The following ATCAY variants were observed in gnomAD, a reference collection of about 807,000 sequenced individuals.
The protein encoded by ATCAY is caytaxin.
In ATCAY, 22 loss-of-function variants were observed where a neutral mutation model predicts 47.7. The ratio of observed to expected loss-of-function variants is 0.46; its 90% CI spans 0.33 to 0.66. ATCAY has a LOEUF of 0.66. ATCAY is among the 30% of genes least tolerant of loss of function. The pLI is 0.02. For missense variants in ATCAY, 452 were observed against 515.0 expected, an observed-to-expected ratio of 0.88 and a Z score of 1.18; for synonymous variants, 216 against 207.6, an observed-to-expected ratio of 1.04 and a Z score of -0.35.
intron 2 of ATCAY, among the ~76,000 whole-genome samples, chr19:3,895,722 T>TC (rs1417575564): frequency 3.4e-5 from 5 of 148,814 alleles, no homozygotes; most frequent in African/African-American, 1.2e-4. Context: ...TTTTCTTTTT[T>TC]TTTTTTTTTT....
chr19:3,890,731 C>T (rs1485537342), intron 2 of ATCAY, among the ~76,000 whole-genome samples: 1 of 152,208 alleles, frequency 6.6e-6, no homozygotes, highest in Non-Finnish European at 1.5e-5. Context: ...TGCAAGGCTT[C>T]TCGCCCACCC....
In ATCAY at chr19:3,885,640, G is replaced by A. The variant is rs1225958602; in HGVS notation, c.-41-87G>A. 5.6e-5 allele frequency: 37 copies of A among 666,526 alleles called. 2 individuals carry two copies. The highest frequency in any genetic ancestry group is 8.1e-4 in the Middle Eastern group (2 of 2,464). The allele number at this position is 666,526 out of a possible 1,614,324, so 41.3% of individuals were successfully genotyped here. A position where few individuals can be genotyped will look rare whatever the true frequency, so the allele number is the denominator to read the frequency against. On this transcript the variant is annotated intron_variant, in intron 1 of 12. Coordinates refer to ENST00000450849, the MANE Select transcript of ATCAY (RefSeq NM_033064.5). The stretch of plus-strand genomic sequence containing the variant: ...AGGGGGAGGGGGAGACGGAGGGGGA[G>A]TGGGAGGGGGAAGAGCTGCATGGGG...
intron 2 of ATCAY, among the ~76,000 whole-genome samples, chr19:3,888,556 G>A (rs1310625011): frequency 6.6e-6 from 1 of 152,002 alleles, no homozygotes; most frequent in Non-Finnish European, 1.5e-5. Context: ...CTGGAACTCG[G>A]GAGGCGAAGG....
intron 2 of ATCAY, among the ~76,000 whole-genome samples, chr19:3,895,508 C>G (rs1234857013): frequency 6.6e-6 from 1 of 151,014 alleles, no homozygotes; most frequent in African/African-American, 2.4e-5. Context: ...AGCCACCGCG[C>G]CTGGCCCCCA....
chr19:3,882,987 G>A (rs961695786), intron 1 of ATCAY, among the ~76,000 whole-genome samples: 1 of 151,676 alleles, frequency 6.6e-6, no homozygotes, highest in African/African-American at 2.4e-5. Flanking sequence ...GTCTTGCTGT[G>A]TTGCCCAGGC....
At chr19:3,912,579 A>G (rs1002450670) in intron 8 of ATCAY, among the ~76,000 whole-genome samples, 3 of 151,698 alleles carry the variant, frequency 2.0e-5, no homozygotes, top group African/African-American at 7.3e-5. Flanking sequence ...CAAAGTGAAA[A>G]AAATTTTTTT....
In ATCAY at chr19:3,885,742, C is replaced by CA; in HGVS notation, c.-24dup. ...TTCCTTTCAGGGGTCATCCCTGCTT[C>CA]AAGCCAGTGCCTCTTCCCAGCTCCC... On this transcript the variant is annotated 5_prime_UTR_variant, in exon 2 of 13. Coordinates refer to ENST00000450849, the MANE Select transcript of ATCAY (RefSeq NM_033064.5). The CA allele has an allele frequency of 6.5e-7, 1 of 1,549,052 alleles. No homozygotes were observed. The highest frequency in any genetic ancestry group is 8.7e-7 in the Non-Finnish European group (1 of 1,145,518).
At position 3,886,545 on chromosome 19, in the gene ATCAY, G is replaced by A. The variant is rs545267219; in HGVS notation, c.77+701G>A. On this transcript the variant is annotated intron_variant, in intron 2 of 12. Coordinates refer to ENST00000450849, the MANE Select transcript of ATCAY (RefSeq NM_033064.5). ...GCGGAGCTTGCAGTGAGCCGAGATC[G>A]CGCCACTGCACTCCAGCCTGGGCGA... is the stretch of plus-strand genomic sequence containing the variant. Among the ~76,000 whole-genome samples the A allele has an allele frequency of 3.1e-4, 46 of 147,652 alleles. 1 individual carries two copies. The highest frequency in any genetic ancestry group is 1.6e-4 in the Non-Finnish European group (11 of 66,964).
At chr19:3,884,602 G>C (rs145425804) in intron 1 of ATCAY, among the ~76,000 whole-genome samples, 94 of 152,280 alleles carry the variant, frequency 6.2e-4, no homozygotes, top group African/African-American at 2.2e-3. Context: ...AGGCACAAGA[G>C]GGAGGGTAAG....
chr19:3,907,871 A>G lies in ATCAY; in HGVS notation c.496A>G (p.Ile166Val), dbSNP rs910209467. The G allele has an allele frequency of 6.2e-6, 10 of 1,613,844 alleles. No individual in the cohort carries two copies. The highest frequency in any genetic ancestry group is 8.5e-6 in the Non-Finnish European group (10 of 1,179,844). Reference protein sequence around the residue: ...TVIIGEQEHRIDLHMIRPYMK... With the variant: ...TVIIGEQEHRVDLHMIRPYMK... Reference sequence around the variant, plus strand: ...GATCATCGGGGAGCAAGAGCACCGTATAGACCTGCACATGATCCGGCCTTA... The same window carrying G: ...GATCATCGGGGAGCAAGAGCACCGTGTAGACCTGCACATGATCCGGCCTTA... The change falls in exon 5 of 13, where the codon ATA (isoleucine) becomes GTA (valine). Residue 166 changes from isoleucine (I) to valine (V), a missense_variant. By Grantham distance (29) the Ile-to-Val change is conservative. Transcript: ENST00000450849. This position sits in a 1 kb window ranked among gnomAD's most constrained non-coding sequence, Gnocchi z 5.1.
chr19:3,904,628 A>G (rs1203344473), intron 3 of ATCAY, among the ~76,000 whole-genome samples: 1 of 141,904 alleles, frequency 7.0e-6, no homozygotes, highest in Non-Finnish European at 1.5e-5. Flanking sequence ...TAGGAAAAAA[A>G]TATGTATACA....
chr19:3,908,455 T>C (rs909210913), intron 6 of ATCAY, 85 bp downstream of exon 6: 1 of 1,285,604 alleles, frequency 7.8e-7, no homozygotes. Context: ...AGGATTGCAT[T>C]GTGGCCCTAG....
chr19:3,913,769 T>C lies in ATCAY; in HGVS notation c.878T>C (p.Ile293Thr). Residue 293 changes from isoleucine (I) to threonine (T), a missense_variant, in exon 9 of 13, where the codon ATC becomes ACC. Transcript: ENST00000450849. Reference sequence around the variant, plus strand: ...TCTCCCCCCGCCAGCGTCAAGTTCATCAACAAGATCCAGTACGTGCACAGC... The same window carrying C: ...TCTCCCCCCGCCAGCGTCAAGTTCACCAACAAGATCCAGTACGTGCACAGC... ...ISRPFISVKF[I>T]NKIQYVHSLE... 1 of 1,613,684 alleles carries C rather than the reference T, an allele frequency of 6.2e-7. No homozygotes were observed. Among genetic ancestry groups the C allele is most frequent in the Non-Finnish European group, 8.5e-7 (1 of 1,179,818 alleles).
intron 5 of ATCAY, 150 bp from the exon 6 acceptor site, chr19:3,908,118 G>A: frequency 1.0e-6 from 1 of 978,102 alleles, no homozygotes; most frequent in Non-Finnish European, 1.5e-6. Flanking sequence ...CTCAGCGAAG[G>A]CAGAGACTGG....
In ATCAY at chr19:3,924,834, C is replaced by T; in HGVS notation, c.*242C>T. ...CAGAAAAGGGCCCAGCTCTGAGCCC[C>T]TCACCCTTCCACACTCACGAACTCT... On this transcript the variant is annotated 3_prime_UTR_variant, in exon 13 of 13. Transcript: ENST00000450849. 1 of 524,156 alleles carries T rather than the reference C, an allele frequency of 1.9e-6. No individual in the cohort carries two copies. The highest frequency in any genetic ancestry group is 3.4e-6 in the Non-Finnish European group (1 of 292,374). The allele number at this position is 524,156 out of a possible 1,614,324, so 32.5% of individuals were successfully genotyped here. A position where few individuals can be genotyped will look rare whatever the true frequency, so the allele number is the denominator to read the frequency against.
chr19:3,924,273 G>GGATGGA, intron 12 of ATCAY, among the ~76,000 whole-genome samples: 1 of 130,920 alleles, frequency 7.6e-6, no homozygotes, highest in South Asian at 2.8e-4. Context: ...GGATGGATGG[G>GGATGGA]TGGATGGATA....
In ATCAY at chr19:3,913,220, G is replaced by A. The variant is rs183497207; in HGVS notation, c.867-538G>A. Among the ~76,000 whole-genome samples the A allele has an allele frequency of 2.9e-3, 436 of 149,912 alleles. 1 individual carries two copies. Among genetic ancestry groups the A allele is most frequent in the Admixed American group, 4.2e-3 (63 of 15,078 alleles). On this transcript the variant is annotated intron_variant, in intron 8 of 12. Transcript: ENST00000450849. ...GGAAAATCGCTTGAACCGGGGAGGC[G>A]GAGGTGGCAGTGAGCCGAGATCACA...
Position 3,902,487 on chromosome 19 carries a change from G to A in ATCAY, c.78G>A (p.Arg26=). 6.4e-7 allele frequency: 1 copy of A among 1,574,102 alleles called. No individual in the cohort carries two copies. Among genetic ancestry groups the A allele is most frequent in the South Asian group, 1.2e-5 (1 of 85,530 alleles). ...TGCCTGTTCCTGGATGGGTCCGCAG[G>A]CCACTCCCAGAAGAGACGGGGGTGG... ...KEEWQDEDLP[R]PLPEETGVEL... The change falls in exon 3 of 13, where the codon AGG becomes AGA. Residue 26 remains arginine, a splice_region_variant and synonymous_variant. Coordinates refer to ENST00000450849, the MANE Select transcript of ATCAY (RefSeq NM_033064.5).
chr19:3,906,112 G>A (rs1203112228), intron 4 of ATCAY, among the ~76,000 whole-genome samples: 6 of 149,644 alleles, frequency 4.0e-5, no homozygotes, highest in African/African-American at 7.4e-5. Context: ...CCGAGCTTGC[G>A]GTGAGCCAAG....
Sources: gnomAD v4.1 joint callset for allele counts (sites outside exome capture counted in the v4.1 genomes callset) on GRCh38, gnomAD v4.1.1 for gene constraint, Gnocchi (gnomAD v3.1) non-coding constraint, MANE v1.5 for transcripts, NCBI Gene and HGNC (gene_info 2026-07-23, HGNC 2026-07-21) for gene names.